Variants in LPP observed in about 807,000 individuals in gnomAD.
LPP encodes the protein lipoma-preferred partner.
In LPP, 38 loss-of-function variants were observed where a neutral mutation model predicts 60.4. The ratio of observed to expected loss-of-function variants is 0.63; its 90% CI spans 0.49 to 0.83. LPP has a LOEUF of 0.83. LPP is among the 40% of genes least tolerant of loss of function. The pLI, the probability that LPP is intolerant of heterozygous loss-of-function variation, is 0.00. For synonymous variants in LPP, 328 were observed against 290.8 expected (o/e 1.13, Z -1.30); for missense variants, 902 against 783.6 (o/e 1.15, Z -1.80).
At chr3:188,851,379 G>A (rs1031053820) in intron 9 of LPP, among the ~76,000 whole-genome samples, 3 of 152,140 alleles carry the variant, frequency 2.0e-5, no homozygotes, top group African/African-American at 7.2e-5. Flanking sequence ...ACATGCTTTT[G>A]AAGAAAAGGA....
At chr3:188,412,554 T>A (rs1054668103) in intron 4 of LPP, among the ~76,000 whole-genome samples, 1 of 152,178 alleles carries the variant, frequency 6.6e-6, no homozygotes, top group African/African-American at 2.4e-5. Flanking sequence ...TAAGGAATCA[T>A]GTAGCTAGTA....
rs1560343010 is a variant in LPP, at chr3:188,881,138, T to TGAAAAAAAAAAAAAAAAAAAAAA, written c.*6659_*6660insGAAAAAAAAAAAAAAAAAAAAAA. 1 of 11,848 alleles carries TGAAAAAAAAAAAAAAAAAAAAAA rather than the reference T, an allele frequency of 8.4e-5. No individual in the cohort carries two copies. The highest frequency in any genetic ancestry group is 2.5e-4 in the Non-Finnish European group (1 of 4,026). 0.7% of individuals were successfully genotyped at this position (11,848 alleles called of 1,614,324 possible). A position where few individuals can be genotyped will look rare whatever the true frequency, so the allele number is the denominator to read the frequency against. ...CTGGGCGAAAGAGCGAGACTCCGTC[T>TGAAAAAAAAAAAAAAAAAAAAAA]CAAAAAAAAAAAAAAAAAAATAGGA... is the stretch of plus-strand genomic sequence containing the variant. On this transcript the variant is annotated 3_prime_UTR_variant, in exon 12 of 12. Coordinates refer to ENST00000617246, the MANE Select transcript of LPP (RefSeq NM_001375462.1).
chr3:188,188,737 T>C (rs1727303617), intron 1 of LPP, among the ~76,000 whole-genome samples: 1 of 152,188 alleles, frequency 6.6e-6, no homozygotes, highest in Non-Finnish European at 1.5e-5. Flanking sequence ...ATGGGAAGCA[T>C]GGTAATTGAT....
chr3:188,209,383 A>T (rs1279745225), intron 1 of LPP, among the ~76,000 whole-genome samples: 1 of 152,210 alleles, frequency 6.6e-6, no homozygotes, highest in African/African-American at 2.4e-5. Context: ...TTGACGGCGA[A>T]CAGTGCCATC....
chr3:188,659,031 C>CTCT, intron 7 of LPP, among the ~76,000 whole-genome samples: 1 of 152,202 alleles, frequency 6.6e-6, no homozygotes, highest in Non-Finnish European at 1.5e-5. Context: ...GACCACAGAG[C>CTCT]TAGCAGCCTC....
intron 3 of LPP, among the ~76,000 whole-genome samples, chr3:188,363,905 C>CAAA (rs541715135): frequency 0.033 from 3,204 of 96,650 alleles, 81 homozygotes; most frequent in East Asian, 0.18. Flanking sequence ...AACTCCCTCC[C>CAAA]AAAAAAAAAA....
chr3:188,584,436 G>T (rs1178549930), intron 6 of LPP: 1 of 151,984 alleles, frequency 6.6e-6, no homozygotes, highest in Non-Finnish European at 1.5e-5. Context: ...GACAAAGAAG[G>T]TTCTCTGATA....
At chr3:188,754,415 T>C (rs990259824) in intron 8 of LPP, among the ~76,000 whole-genome samples, 2 of 152,210 alleles carry the variant, frequency 1.3e-5, no homozygotes, top group Non-Finnish European at 2.9e-5. Context: ...AATTTCTTTT[T>C]TTCAGCCAAC....
chr3:188,622,050 A>G (rs1400237770), intron 7 of LPP, among the ~76,000 whole-genome samples: 2 of 152,244 alleles, frequency 1.3e-5, no homozygotes, highest in South Asian at 2.1e-4. Context: ...GTCTATTTCT[A>G]TTTCTATGAT....
intron 8 of LPP, among the ~76,000 whole-genome samples, chr3:188,736,549 A>G (rs1329613506): frequency 6.6e-6 from 1 of 152,164 alleles, no homozygotes; most frequent in African/African-American, 2.4e-5. Context: ...GCTGCTGGTA[A>G]GACCGTAAAT....
At chr3:188,376,407 T>C (rs1050486114) in intron 3 of LPP, among the ~76,000 whole-genome samples, 5 of 152,202 alleles carry the variant, frequency 3.3e-5, no homozygotes, top group Admixed American at 1.3e-4. Context: ...GGTGCATATA[T>C]ATTTAGGATA....
rs566873911 is a variant in LPP at position 188,230,698 on chromosome 3, A to T, written c.-67+5171A>T. Among the ~76,000 whole-genome samples the T allele has an allele frequency of 5.9e-5, 9 of 151,274 alleles. 1 individual carries two copies. The highest frequency in any genetic ancestry group is 2.2e-4 in the African/African-American group (9 of 41,218). ...TGAGGCAGGAGAATTGCTTGAACCC[A>T]GGAGGCGGAGGTTGCGGTGAGCCGA... is the stretch of plus-strand genomic sequence containing the variant. On this transcript the variant is annotated intron_variant, in intron 2 of 11. Transcript: ENST00000617246.
intron 7 of LPP, among the ~76,000 whole-genome samples, chr3:188,653,146 G>T (rs1264150073): frequency 4.6e-5 from 7 of 152,224 alleles, no homozygotes; most frequent in Non-Finnish European, 8.8e-5. Context: ...GTTGAGATGG[G>T]CTCTGGAATC....
intron 4 of LPP, among the ~76,000 whole-genome samples, chr3:188,469,053 T>C (rs963784699): frequency 6.6e-6 from 1 of 152,156 alleles, no homozygotes; most frequent in African/African-American, 2.4e-5. Context: ...GCAGAGTGAA[T>C]GAAACCCAAG....
At chr3:188,592,419 T>C (rs1012078070) in intron 6 of LPP, among the ~76,000 whole-genome samples, 2 of 151,654 alleles carry the variant, frequency 1.3e-5, no homozygotes, top group African/African-American at 2.4e-5. Context: ...TACATAGAAA[T>C]ACAAACCATG....
chr3:188,477,063 A>G (rs1279517266), intron 4 of LPP, among the ~76,000 whole-genome samples: 5 of 152,220 alleles, frequency 3.3e-5, no homozygotes, highest in Admixed American at 2.6e-4. Context: ...GAGGTCTGTG[A>G]TCCCACTGAC....
chr3:188,464,926 C>T (rs1991278), intron 4 of LPP, among the ~76,000 whole-genome samples: 148,347 of 149,676 alleles, frequency 0.99, 73,531 homozygotes, highest in Middle Eastern at 1. Flanking sequence ...CTTTGGATTC[C>T]ACACACCAAT....
At chr3:188,705,520 T>C (rs534674973) in intron 7 of LPP, among the ~76,000 whole-genome samples, 5 of 152,194 alleles carry the variant, frequency 3.3e-5, no homozygotes, top group Non-Finnish European at 7.3e-5. Flanking sequence ...GTATGCAATT[T>C]AAAGTTTAAC....
intron 3 of LPP, among the ~76,000 whole-genome samples, chr3:188,376,539 T>G (rs11505019): frequency 0.36 from 54,795 of 151,938 alleles, 10,658 homozygotes; most frequent in South Asian, 0.48. Flanking sequence ...CCTGCCTTTT[T>G]TTGTTTTCCA....
Sources: gnomAD v4.1 joint callset for allele counts (sites outside exome capture counted in the v4.1 genomes callset) on GRCh38, gnomAD v4.1.1 for gene constraint, MANE v1.5 for transcripts, NCBI Gene and HGNC (gene_info 2026-07-23, HGNC 2026-07-21) for gene names.